Variants in ZFHX3 observed in about 807,000 individuals in gnomAD.
ZFHX3 encodes the protein zinc finger homeobox 3.
Under a neutral mutation model 279.1 loss-of-function variants are expected in ZFHX3, and 42 were observed. The observed-to-expected ratio is 0.15, with a 90% confidence interval of 0.12 to 0.19. The LOEUF (loss-of-function observed/expected upper bound fraction) is 0.19, where lower values mean the gene tolerates loss of function less well. Ranked by LOEUF, ZFHX3 falls within the 10% of genes least tolerant of loss-of-function variation. The probability of loss-of-function intolerance (pLI) is 1.00; values close to 1 mark genes in which losing one functional copy is unlikely to be tolerated. For synonymous variants in ZFHX3, 2,293 were observed against 1,957.8 expected, an observed-to-expected ratio of 1.17 and a Z score of -4.52; for missense variants, 4,981 against 4,754.0, an observed-to-expected ratio of 1.05 and a Z score of -1.40.
chr16:73,659,878 G>A (rs1049619556), intron 2 of ZFHX3, among the ~76,000 whole-genome samples: 14 of 152,122 alleles, frequency 9.2e-5, no homozygotes, highest in African/African-American at 3.4e-4. Context: ...AATAAAAATA[G>A]AGCCACCCAA....
At chr16:73,712,225 A>T (rs572121966) in intron 1 of ZFHX3, among the ~76,000 whole-genome samples, 2 of 135,474 alleles carry the variant, frequency 1.5e-5, no homozygotes, top group Non-Finnish European at 3.1e-5. Context: ...CTGCAGTTTT[A>T]AAAAAAAACG....
chr16:73,834,507 T>C (rs1961086011), intron 1 of ZFHX3, among the ~76,000 whole-genome samples: 1 of 152,338 alleles, frequency 6.6e-6, no homozygotes, highest in South Asian at 2.1e-4. Flanking sequence ...CCAGATTTAC[T>C]GATCAGTTAA....
chr16:73,254,681 A>C (rs2013611306), intron 5 of ZFHX3, among the ~76,000 whole-genome samples: 1 of 152,154 alleles, frequency 6.6e-6, no homozygotes, highest in African/African-American at 2.4e-5. Context: ...AGTTTATATG[A>C]TTTTATGCAA....
chr16:73,416,169 AG>A (rs144190675), intron 3 of ZFHX3, among the ~76,000 whole-genome samples: 3,424 of 151,712 alleles, frequency 0.023, 140 homozygotes, highest in African/African-American at 0.079. Context: ...AACAAAAAAC[AG>A]AGAGAAAACA....
chr16:73,886,938 C>T (rs2030365767), intron 1 of ZFHX3, among the ~76,000 whole-genome samples: 1 of 152,112 alleles, frequency 6.6e-6, no homozygotes, highest in African/African-American at 2.4e-5. Flanking sequence ...ACATACTGTC[C>T]ACATCCTTAA....
intron 3 of ZFHX3, among the ~76,000 whole-genome samples, chr16:73,319,132 C>A (rs2015519317): frequency 6.6e-6 from 1 of 151,764 alleles, no homozygotes; most frequent in African/African-American, 2.4e-5. Context: ...AGAGGACGCA[C>A]AAGGACCGGA....
chr16:73,841,386 T>C (rs1009453202), intron 1 of ZFHX3, among the ~76,000 whole-genome samples: 4 of 152,032 alleles, frequency 2.6e-5, no homozygotes, highest in African/African-American at 9.7e-5. Flanking sequence ...CCAAGAGCCA[T>C]AGACTGCAGG....
At chr16:73,495,006 T>A (rs1341544300) in intron 2 of ZFHX3, among the ~76,000 whole-genome samples, 1 of 152,236 alleles carries the variant, frequency 6.6e-6, no homozygotes, top group Non-Finnish European at 1.5e-5. Flanking sequence ...ATCAATCGTT[T>A]CTGCATTTGC....
intron 8 of ZFHX3, among the ~76,000 whole-genome samples, chr16:72,799,286 A>T (rs1051958357): frequency 6.6e-6 from 1 of 152,216 alleles, no homozygotes; most frequent in Non-Finnish European, 1.5e-5. Flanking sequence ...TCTATTCAAT[A>T]AGCAATTAAC....
At chr16:73,161,534 G>A (rs746479018) in intron 5 of ZFHX3, among the ~76,000 whole-genome samples, 1 of 152,194 alleles carries the variant, frequency 6.6e-6, no homozygotes, top group Non-Finnish European at 1.5e-5. Context: ...TAAGGTTGGT[G>A]CTCAGTAGAC....
intron 2 of ZFHX3, among the ~76,000 whole-genome samples, chr16:73,604,010 C>T (rs1156623325): frequency 6.6e-6 from 1 of 151,942 alleles, no homozygotes; most frequent in South Asian, 2.1e-4. Flanking sequence ...AACTCCTGAC[C>T]TCAGGTGATT....
chr16:73,634,981 C>A (rs1013670483), intron 2 of ZFHX3, among the ~76,000 whole-genome samples: 1 of 152,086 alleles, frequency 6.6e-6, no homozygotes. Flanking sequence ...ATAATATAAT[C>A]CATCTGCTTT....
chr16:73,066,636 GC>G (rs1265142561), intron 8 of ZFHX3, among the ~76,000 whole-genome samples: 3 of 152,126 alleles, frequency 2.0e-5, no homozygotes, highest in Admixed American at 6.5e-5. Context: ...ACCCCATTAT[GC>G]CCCTGCGGAT....
At chr16:73,350,717 G>A (rs2016225920) in intron 3 of ZFHX3, among the ~76,000 whole-genome samples, 1 of 152,234 alleles carries the variant, frequency 6.6e-6, no homozygotes, top group African/African-American at 2.4e-5. Context: ...CAGAAGATGA[G>A]ATGGTTGGCT....
chr16:73,891,479 G>C (rs2030536181), intron 1 of ZFHX3, among the ~76,000 whole-genome samples: 1 of 152,026 alleles, frequency 6.6e-6, no homozygotes, highest in Non-Finnish European at 1.5e-5. Flanking sequence ...AAAGAAAACA[G>C]CTACTGAGAA....
rs151251679 is a variant in ZFHX3, at chr16:72,804,399, C to G, written c.3865-4270G>C. On this transcript the variant is annotated intron_variant, in intron 7 of 9. Coordinates refer to ENST00000268489, the MANE Select transcript of ZFHX3 (RefSeq NM_006885.4). ...TAGAGGTCACAAAAGCCTTAGAAATCTAATACAAGTTGCAGACTCCTAGGA... is the reference window on the plus strand; with the variant it reads ...TAGAGGTCACAAAAGCCTTAGAAATGTAATACAAGTTGCAGACTCCTAGGA... Among the ~76,000 whole-genome samples, 36 of 152,282 alleles carry G rather than the reference C, an allele frequency of 2.4e-4. 1 individual carries two copies. The East Asian group carries it at 6.9e-3, about 29-fold the overall frequency.
chr16:72,797,489 CTGT>C lies in ZFHX3; in HGVS notation c.5190_5192del (p.Gln1741del). 6.3e-7 allele frequency: 1 copy of C among 1,597,624 alleles called. No individual in the cohort carries two copies. The highest frequency in any genetic ancestry group is 8.5e-7 in the Non-Finnish European group (1 of 1,169,820). ...GTTGTTGTTGTTGTTGTTGTTGTTG[CTGT>C]TGCTGCTGCTGTTGTTGCTGCTGCC... is the stretch of plus-strand genomic sequence containing the variant. On this transcript the variant is annotated inframe_deletion, in exon 9 of 10. Transcript: ENST00000268489.
intron 3 of ZFHX3, among the ~76,000 whole-genome samples, chr16:72,922,174 A>T (rs1433076535): frequency 6.6e-6 from 1 of 152,106 alleles, no homozygotes; most frequent in Non-Finnish European, 1.5e-5. Flanking sequence ...TCTTGCGGAG[A>T]ACTTTAATCA....
At chr16:73,414,745 G>A (rs966576071) in intron 3 of ZFHX3, among the ~76,000 whole-genome samples, 1 of 152,168 alleles carries the variant, frequency 6.6e-6, no homozygotes, top group African/African-American at 2.4e-5. Flanking sequence ...GGCTGAGGTG[G>A]GAAGAACTTG....
Sources: allele counts gnomAD v4.1 joint callset (sites outside exome capture counted in the v4.1 genomes callset), GRCh38; gene constraint gnomAD v4.1.1; transcripts MANE v1.5; gene names NCBI Gene and HGNC (gene_info 2026-07-23, HGNC 2026-07-21).